The following ERBB2 variants were observed in gnomAD, a reference collection of about 807,000 sequenced individuals.
ERBB2 encodes the protein receptor tyrosine-protein kinase erbB-2.
Under a neutral mutation model 149.0 loss-of-function variants are expected in ERBB2, and 61 were observed. The ratio of observed to expected loss-of-function variants is 0.41; its 90% CI spans 0.33 to 0.51. The LOEUF (loss-of-function observed/expected upper bound fraction) is 0.51, where lower values mean the gene tolerates loss of function less well. Ranked by LOEUF, ERBB2 falls within the 20% of genes least tolerant of loss-of-function variation. The pLI is 0.25. For missense variants in ERBB2, 1,205 were observed against 1,655.1 expected (o/e 0.73, Z 4.72); for synonymous variants, 633 against 678.8 (o/e 0.93, Z 1.05).
Position 39,723,070 on chromosome 17 carries a change from C to T in ERBB2, c.1947-249C>T, listed in dbSNP as rs566950067. ...GAATTGTTGAAGCCCTAAGCCAGAG[C>T]CAAGGGCAAGAGTATAGAGAATCTG... On this transcript the variant is annotated intron_variant, in intron 16 of 26. Transcript: ENST00000269571. This position sits in a 1 kb window ranked among gnomAD's most constrained non-coding sequence, Gnocchi z 6.2. Among the ~76,000 whole-genome samples the T allele has an allele frequency of 1.3e-5, 2 of 152,174 alleles. No individual in the cohort carries two copies. The highest frequency in any genetic ancestry group is 2.9e-5 in the Non-Finnish European group (2 of 68,014).
At position 39,715,299 on chromosome 17, in the gene ERBB2, A is replaced by C. The variant is rs780881510; in HGVS notation, c.1162A>C (p.Asn388His). The C allele has an allele frequency of 6.2e-6, 10 of 1,613,932 alleles. No individual in the cohort carries two copies. Among genetic ancestry groups the C allele is most frequent in the Non-Finnish European group, 8.5e-6 (10 of 1,179,908 alleles). Reference protein sequence around the residue: ...PESFDGDPASNTAPLQPEQLQ... With the variant: ...PESFDGDPASHTAPLQPEQLQ... ...TGACCCCTCCAGGGACCCAGCCTCCAACACTGCCCCGCTCCAGCCAGAGCA... is the reference window on the plus strand; with the variant it reads ...TGACCCCTCCAGGGACCCAGCCTCCCACACTGCCCCGCTCCAGCCAGAGCA... The change falls in exon 10 of 27, where the codon AAC (asparagine) becomes CAC (histidine). Residue 388 changes from asparagine to histidine, a missense_variant. By Grantham distance (68) the Asn-to-His change is moderately conservative. This residue lies in a region of ERBB2 where 569 missense variants were observed against 803.5 expected (regional missense o/e 0.71). Transcript: ENST00000269571.
chr17:39,724,272 A>ATTTTTTTTTTTTTTTT lies in ERBB2; in HGVS notation c.2307+263_2307+278dup, dbSNP rs71149796. Among the ~76,000 whole-genome samples the ATTTTTTTTTTTTTTTT allele has an allele frequency of 9.7e-4, 75 of 76,968 alleles. 16 individuals carry two copies. Among genetic ancestry groups the ATTTTTTTTTTTTTTTT allele is most frequent in the Middle Eastern group, 8.8e-3 (1 of 114 alleles). 50.5% of individuals were successfully genotyped at this position (76,968 alleles called of 152,430 possible). A position where few individuals can be genotyped will look rare whatever the true frequency, so the allele number is the denominator to read the frequency against. On this transcript the variant is annotated intron_variant, in intron 19 of 26. Transcript: ENST00000269571. ...TAGCTGGGATTACAAGCGCCCGCTAATTTTTTTTTTTTTTTTGAGACAGAG... is the reference window on the plus strand; with the variant it reads ...TAGCTGGGATTACAAGCGCCCGCTAATTTTTTTTTTTTTTTTTTTTTTTTTTTTTTTTGAGACAGAG...
chr17:39,702,072 T>C (rs2058142808), intron 1 of ERBB2, among the ~76,000 whole-genome samples: 1 of 152,156 alleles, frequency 6.6e-6, no homozygotes, highest in Non-Finnish European at 1.5e-5. Flanking sequence ...CACTATTGAT[T>C]GTGTTGTGCA....
upstream of ERBB2, among the ~76,000 whole-genome samples, chr17:39,692,695 G>A (rs1314269850): frequency 1.3e-5 from 2 of 151,990 alleles, no homozygotes; most frequent in Non-Finnish European, 2.9e-5. Flanking sequence ...GTGAGCCACC[G>A]TGCCTGGCCA....
chr17:39,708,603 G>T, intron 3 of ERBB2, 69 bp downstream of exon 3: 3 of 1,273,456 alleles, frequency 2.4e-6, no homozygotes, highest in Non-Finnish European at 3.4e-6. Context: ...GCTAACCAGG[G>T]GGAGGCTTTG....
intron 15 of ERBB2, 115 bp downstream of exon 15, chr17:39,717,595 C>A: frequency 1.2e-6 from 1 of 819,362 alleles, no homozygotes; most frequent in Non-Finnish European, 1.9e-6. Flanking sequence ...TTTCTGATGA[C>A]AAAAATAACA....
At position 39,727,131 on chromosome 17, in the gene ERBB2, A is replaced by T; in HGVS notation, c.3159+128A>T. 1 of 1,233,724 alleles carries T rather than the reference A, an allele frequency of 8.1e-7. No homozygotes were observed. The highest frequency in any genetic ancestry group is 1.1e-6 in the Non-Finnish European group (1 of 883,452). The allele number at this position is 1,233,724 out of a possible 1,614,324, so 76.4% of individuals were successfully genotyped here. On this transcript the variant is annotated intron_variant, in intron 25 of 26. Transcript: ENST00000269571. The surrounding 1 kb of genome is among the most constrained non-coding windows in gnomAD (Gnocchi z 4.3). ...GGAAACCCCATTATCCCTACAAAAA[A>T]TTCTTACTGCCTTCCAACCCCTGTG...
At chr17:39,707,319 A>ACT in intron 2 of ERBB2, 178 bp downstream of exon 2, 1 of 538,534 alleles carries the variant, frequency 1.9e-6, no homozygotes, top group Non-Finnish European at 3.2e-6. Flanking sequence ...GAATCAGTTG[A>ACT]CTCTCTCTAT....
Position 39,727,141 on chromosome 17 carries a change from C to T in ERBB2, c.3159+138C>T, listed in dbSNP as rs928544189. On this transcript the variant is annotated intron_variant, in intron 25 of 26. Transcript: ENST00000269571. This position sits in a 1 kb window ranked among gnomAD's most constrained non-coding sequence, Gnocchi z 4.3. ...TTATCCCTACAAAAAATTCTTACTGCCTTCCAACCCCTGTGACCCCATTCT... is the reference window on the plus strand; with the variant it reads ...TTATCCCTACAAAAAATTCTTACTGTCTTCCAACCCCTGTGACCCCATTCT... 9.1e-6 allele frequency: 11 copies of T among 1,210,246 alleles called. No individual in the cohort carries two copies. In the African/African-American group the frequency reaches 1.4e-4, roughly 15 times the overall value. The allele number at this position is 1,210,246 out of a possible 1,614,324, so 75.0% of individuals were successfully genotyped here. A position where few individuals can be genotyped will look rare whatever the true frequency, so the allele number is the denominator to read the frequency against.
upstream of ERBB2, among the ~76,000 whole-genome samples, chr17:39,695,871 C>T (rs939013075): frequency 1.3e-5 from 2 of 152,136 alleles, no homozygotes; most frequent in African/African-American, 2.4e-5. Context: ...AAGCTAGAGC[C>T]CTGTCCTGCC....
rs2145557547 is a variant in ERBB2, at chr17:39,711,914, C to G, written c.902-14C>G. The G allele has an allele frequency of 6.2e-7, 1 of 1,613,992 alleles. No homozygotes were observed. The highest frequency in any genetic ancestry group is 8.5e-7 in the Non-Finnish European group (1 of 1,179,930). The stretch of plus-strand genomic sequence containing the variant: ...GGGCCAGGGTATGTGGCTACATGTT[C>G]CTGATCTCCTTAGACAACTACCTTT... On this transcript the variant is annotated splice_polypyrimidine_tract_variant and intron_variant, in intron 7 of 26. Coordinates refer to ENST00000269571, the MANE Select transcript of ERBB2 (RefSeq NM_004448.4).
upstream of ERBB2, among the ~76,000 whole-genome samples, chr17:39,698,545 C>G (rs181938917): frequency 5.2e-4 from 79 of 152,240 alleles, no homozygotes; most frequent in African/African-American, 1.9e-3. Flanking sequence ...AGGTGTGAGC[C>G]ACCGCGACTG....
intron 2 of ERBB2, chr17:39,707,442 C>T (rs189765170): frequency 3.3e-6 from 1 of 300,404 alleles, no homozygotes; most frequent in African/African-American, 2.2e-5. Flanking sequence ...AGCCACTATC[C>T]CTCTCCCACT....
chr17:39,710,231 C>A (rs1243823987), intron 6 of ERBB2, 30 bp downstream of exon 6: 2 of 1,609,244 alleles, frequency 1.2e-6, no homozygotes, highest in African/African-American at 1.3e-5. Context: ...GCCCAATGTG[C>A]TCTACCCCCC....
In ERBB2 at chr17:39,727,094, G is replaced by A; in HGVS notation, c.3159+91G>A. On this transcript the variant is annotated intron_variant, in intron 25 of 26. Transcript: ENST00000269571. This position sits in a 1 kb window ranked among gnomAD's most constrained non-coding sequence, Gnocchi z 4.3. ...CCCTTTCTCTGATGTTCCCTCAACT[G>A]TCACCTCTCAAGGAAACCCCATTAT... The A allele has an allele frequency of 7.6e-7, 1 of 1,324,236 alleles. No homozygotes were observed. Among genetic ancestry groups the A allele is most frequent in the Non-Finnish European group, 1.0e-6 (1 of 966,332 alleles). The allele number at this position is 1,324,236 out of a possible 1,614,324, so 82.0% of individuals were successfully genotyped here. A position where few individuals can be genotyped will look rare whatever the true frequency, so the allele number is the denominator to read the frequency against.
rs149337787 is a variant in ERBB2 at position 39,716,581 on chromosome 17, T to C, written c.1713T>C (p.Asn571=). The C allele has an allele frequency of 4.9e-5, 79 of 1,614,096 alleles. No individual in the cohort carries two copies. In the African/African-American group the frequency reaches 8.5e-4, roughly 17 times the overall value. ...LPCHPECQPQ[N]GSVTCFGPEA... ...GCCACCCTGAGTGTCAGCCCCAGAA[T>C]GGCTCAGTGACCTGTTTTGGACCGG... is the stretch of plus-strand genomic sequence containing the variant. Residue 571 remains asparagine (N), a synonymous_variant, in exon 14 of 27, where the codon AAT becomes AAC. Coordinates refer to ENST00000269571, the MANE Select transcript of ERBB2 (RefSeq NM_004448.4).
At position 39,727,784 on chromosome 17, in the gene ERBB2, C is replaced by G. The variant is rs1058808; in HGVS notation, c.3508C>G (p.Pro1170Ala). Residue 1170 changes from proline (P) to alanine (A), a missense_variant, in exon 27 of 27, where the codon CCC becomes GCC. Physicochemically the swap from Pro to Ala is conservative, Grantham distance 27. Around this residue, in one of 6 missense-constraint regions of ERBB2, gnomAD observed 312 missense variants for 343.8 expected, o/e 0.91. Transcript: ENST00000269571. The surrounding 1 kb of genome is among the most constrained non-coding windows in gnomAD (Gnocchi z 4.3). Reference protein sequence around the residue: ...ARPAGATLERPKTLSPGKNGV... With the variant: ...ARPAGATLERAKTLSPGKNGV... ...ACCTGCTGGTGCCACTCTGGAAAGG[C>G]CCAAGACTCTCTCCCCAGGGAAGAA... 0.64 allele frequency: 1,034,902 copies of G among 1,612,086 alleles called. 341,648 individuals are homozygous for G. The highest frequency in any genetic ancestry group is 0.7 in the Middle Eastern group (4,217 of 6,050).
intron 16 of ERBB2, chr17:39,720,393 G>A (rs1327999962): frequency 1.3e-5 from 2 of 155,912 alleles, no homozygotes; most frequent in East Asian, 1.9e-4. Flanking sequence ...TCAGGGTGGG[G>A]TCTGACCTGG....
upstream of ERBB2, chr17:39,699,649 C>A: frequency 1.9e-6 from 2 of 1,065,566 alleles, no homozygotes; most frequent in African/African-American, 1.6e-5. Context: ...GTGGGAAAAC[C>A]ATTATTTGAT....
Sources: allele counts gnomAD v4.1 joint callset (sites outside exome capture counted in the v4.1 genomes callset), GRCh38; gene constraint gnomAD v4.1.1; regional missense constraint gnomAD v4.1.1; non-coding constraint Gnocchi (gnomAD v3.1); transcripts MANE v1.5; gene names NCBI Gene and HGNC (gene_info 2026-07-23, HGNC 2026-07-21).